The following MAML3 variants were observed in gnomAD, a reference collection of about 807,000 sequenced individuals.
MAML3 encodes mastermind-like protein 3.
MAML3 carries 27 observed loss-of-function variants against 101.9 expected under a neutral mutation model. The observed-to-expected ratio is 0.27, with a 90% CI of 0.20 to 0.37. MAML3 has a LOEUF of 0.37. Among genes scored for constraint, MAML3 ranks in the 10% least tolerant of loss-of-function variants. The pLI is 1.00. For synonymous variants in MAML3, 501 were observed against 555.9 expected (o/e 0.90, Z 1.39); for missense variants, 1,316 against 1,444.9 (o/e 0.91, Z 1.45).
intron 1 of MAML3, among the ~76,000 whole-genome samples, chr4:140,039,558 T>A (rs1727046330): frequency 1.3e-5 from 2 of 152,182 alleles, no homozygotes; most frequent in African/African-American, 2.4e-5. Context: ...TATCTGCTCC[T>A]CCTCTTGACC....
intron 1 of MAML3, among the ~76,000 whole-genome samples, chr4:140,093,145 T>C (rs772676393): frequency 6.6e-6 from 1 of 152,210 alleles, no homozygotes; most frequent in Non-Finnish European, 1.5e-5. Context: ...GAGGAACATA[T>C]GAATTTTCTT....
At chr4:140,078,843 G>T (rs1467451631) in intron 1 of MAML3, among the ~76,000 whole-genome samples, 3 of 152,140 alleles carry the variant, frequency 2.0e-5, no homozygotes, top group Non-Finnish European at 4.4e-5. Context: ...CACCATGAGG[G>T]CTGGAAAGGA....
intron 1 of MAML3, among the ~76,000 whole-genome samples, chr4:139,946,048 G>A (rs1733720992): frequency 6.6e-6 from 1 of 152,196 alleles, no homozygotes; most frequent in Non-Finnish European, 1.5e-5. Context: ...TGGTATGATG[G>A]TAGAATCAGA....
At chr4:139,962,952 G>A (rs139971638) in intron 1 of MAML3, among the ~76,000 whole-genome samples, 35 of 152,176 alleles carry the variant, frequency 2.3e-4, no homozygotes, top group African/African-American at 8.4e-4. Context: ...TAAAGGGAAC[G>A]GCAATAATCA....
chr4:139,924,990 A>AT (rs1422362512), intron 1 of MAML3, among the ~76,000 whole-genome samples: 5 of 122,538 alleles, frequency 4.1e-5, no homozygotes, highest in Non-Finnish European at 1.7e-5. Context: ...CTTTCGCTAA[A>AT]CTTTTTTTTT....
chr4:139,971,447 C>T (rs1734234071), intron 1 of MAML3, among the ~76,000 whole-genome samples: 1 of 152,144 alleles, frequency 6.6e-6, no homozygotes, highest in South Asian at 2.1e-4. Flanking sequence ...CACAACAGAA[C>T]CTTAGAGAAT....
intron 2 of MAML3, among the ~76,000 whole-genome samples, chr4:139,772,563 G>A (rs112141060): frequency 5.7e-4 from 87 of 151,556 alleles, no homozygotes; most frequent in African/African-American, 1.7e-3. Context: ...GGCTGGTCTC[G>A]AACTCCTGAC....
At chr4:139,896,649 T>A (rs56332770) in intron 1 of MAML3, among the ~76,000 whole-genome samples, 2,730 of 147,122 alleles carry the variant, frequency 0.019, 80 homozygotes, top group African/African-American at 0.064. Flanking sequence ...GGTGTGTGTG[T>A]GTGAGAGAGA....
chr4:139,728,205 A>G (rs1728554669), intron 3 of MAML3, among the ~76,000 whole-genome samples: 1 of 152,112 alleles, frequency 6.6e-6, no homozygotes, highest in South Asian at 2.1e-4. Context: ...ACAAAGTGAG[A>G]CCCTGTCTCA....
chr4:139,724,344 G>T (rs886582192), intron 4 of MAML3, among the ~76,000 whole-genome samples: 1 of 152,276 alleles, frequency 6.6e-6, no homozygotes, highest in East Asian at 1.9e-4. Flanking sequence ...AGAAAGAAAA[G>T]TTTCTGATAT....
intron 1 of MAML3, among the ~76,000 whole-genome samples, chr4:140,058,018 C>T (rs1727381437): frequency 6.6e-6 from 1 of 151,018 alleles, no homozygotes; most frequent in South Asian, 2.1e-4. Flanking sequence ...TGATGAAAGA[C>T]CTCTGATTAA....
intron 2 of MAML3, among the ~76,000 whole-genome samples, chr4:139,862,456 C>T (rs772417680): frequency 4.6e-5 from 7 of 152,228 alleles, no homozygotes; most frequent in African/African-American, 7.2e-5. Flanking sequence ...CTCACTGTCT[C>T]GGAATTCCCT....
intron 1 of MAML3, among the ~76,000 whole-genome samples, chr4:139,996,338 T>A (rs1734812884): frequency 6.6e-6 from 1 of 152,230 alleles, no homozygotes; most frequent in South Asian, 2.1e-4. Context: ...AGTTATCCTA[T>A]CAAATAGTGA....
chr4:139,883,562 G>T (rs932521833), intron 2 of MAML3, among the ~76,000 whole-genome samples: 3 of 152,100 alleles, frequency 2.0e-5, no homozygotes, highest in Non-Finnish European at 4.4e-5. Context: ...GTGTGTGGGG[G>T]GGTTGTGTAT....
intron 1 of MAML3, among the ~76,000 whole-genome samples, chr4:140,011,543 A>G (rs1182139570): frequency 6.7e-6 from 1 of 149,942 alleles, no homozygotes; most frequent in Non-Finnish European, 1.5e-5. Context: ...ACGGGGTTTC[A>G]CCTTGTTAGC....
At chr4:139,987,757 C>T (rs1188625524) in intron 1 of MAML3, among the ~76,000 whole-genome samples, 1 of 152,088 alleles carries the variant, frequency 6.6e-6, no homozygotes, top group African/African-American at 2.4e-5. Flanking sequence ...CCGTGGCTCA[C>T]ACCTGTAATC....
intron 2 of MAML3, among the ~76,000 whole-genome samples, chr4:139,742,309 C>T (rs780052091): frequency 3.9e-5 from 6 of 152,062 alleles, no homozygotes; most frequent in East Asian, 1.9e-4. Flanking sequence ...CCACCACGCC[C>T]GGCTAATTTT....
At chr4:140,031,824 T>C (rs1172155746) in intron 1 of MAML3, among the ~76,000 whole-genome samples, 4 of 152,138 alleles carry the variant, frequency 2.6e-5, no homozygotes, top group Non-Finnish European at 4.4e-5. Context: ...TTCACAGAGA[T>C]TTTCCTTCTC....
At chr4:139,867,084 G>C (rs186305707) in intron 2 of MAML3, among the ~76,000 whole-genome samples, 1 of 152,220 alleles carries the variant, frequency 6.6e-6, no homozygotes, top group Non-Finnish European at 1.5e-5. Flanking sequence ...AATAAAGTCA[G>C]TTTTTGTAAA....
Sources: allele counts gnomAD v4.1 joint callset (sites outside exome capture counted in the v4.1 genomes callset), GRCh38; gene constraint gnomAD v4.1.1; transcripts MANE v1.5; gene names NCBI Gene and HGNC (gene_info 2026-07-23, HGNC 2026-07-21).